HBS1L: variants seen among roughly 807,000 people sequenced by gnomAD.
The protein encoded by HBS1L is HBS1-like protein.
A neutral mutation model predicts 88.9 loss-of-function variants in HBS1L; 55 were observed. The observed-to-expected ratio is 0.62, with a 90% CI of 0.50 to 0.77. The LOEUF (loss-of-function observed/expected upper bound fraction) is 0.77, where lower values mean the gene tolerates loss of function less well. Among genes scored for constraint, HBS1L ranks in the 30% least tolerant of loss-of-function variants. The pLI is 0.00. For missense variants in HBS1L, 741 were observed against 829.3 expected (o/e 0.89, Z 1.31); for synonymous variants, 267 against 288.5 (o/e 0.93, Z 0.76).
intron 4 of HBS1L, among the ~76,000 whole-genome samples, chr6:135,014,053 G>T (rs1013947474): frequency 6.6e-6 from 1 of 152,156 alleles, no homozygotes; most frequent in African/African-American, 2.4e-5. Context: ...CAAGGGACAA[G>T]TGTACAAGGT....
chr6:134,992,908 C>T (rs918479035), intron 8 of HBS1L, among the ~76,000 whole-genome samples: 1 of 152,192 alleles, frequency 6.6e-6, no homozygotes, highest in African/African-American at 2.4e-5. Context: ...AGAGCAACTT[C>T]CAGTCCTGCG....
intron 15 of HBS1L, 70 bp downstream of exon 15, chr6:134,978,609 G>A (rs1352741034): frequency 1.2e-6 from 1 of 802,494 alleles, no homozygotes; most frequent in Non-Finnish European, 2.0e-6. Flanking sequence ...TGTAAAGAAA[G>A]TTACCACTTT....
intron 8 of HBS1L, among the ~76,000 whole-genome samples, chr6:134,992,059 CTCTG>C (rs1262248602): frequency 6.6e-6 from 1 of 152,166 alleles, no homozygotes; most frequent in Non-Finnish European, 1.5e-5. Flanking sequence ...CAGAGTGAGA[CTCTG>C]TCTCAAAAAA....
chr6:134,994,550 T>C (rs937786891), intron 7 of HBS1L, among the ~76,000 whole-genome samples: 6 of 152,136 alleles, frequency 3.9e-5, no homozygotes, highest in African/African-American at 1.4e-4. Flanking sequence ...TATTTGCATA[T>C]ACAAAATGAG....
At chr6:134,971,721 T>C (rs538956846) in intron 15 of HBS1L, among the ~76,000 whole-genome samples, 1 of 152,252 alleles carries the variant, frequency 6.6e-6, no homozygotes, top group South Asian at 2.1e-4. Context: ...ATGTGCAGCA[T>C]AGTGTAATAG....
At chr6:134,983,180 T>C (rs1319266715) in intron 12 of HBS1L, 1 of 151,956 alleles carries the variant, frequency 6.6e-6, no homozygotes, top group African/African-American at 2.4e-5. Context: ...GGGGACCATA[T>C]AGAATAATGA....
chr6:134,995,912 G>C (rs1042645406), intron 7 of HBS1L, among the ~76,000 whole-genome samples: 1 of 151,972 alleles, frequency 6.6e-6, no homozygotes, highest in African/African-American at 2.4e-5. Flanking sequence ...TTTACAGAGC[G>C]TTACCTTATA....
intron 4 of HBS1L, among the ~76,000 whole-genome samples, chr6:135,033,180 A>G (rs879660822): frequency 3.9e-5 from 6 of 152,234 alleles, no homozygotes; most frequent in African/African-American, 1.4e-4. Flanking sequence ...TTTCTAAAGT[A>G]AATTATTAAT....
Position 134,960,983 on chromosome 6 carries a change from T to G in HBS1L, c.*4296A>C, listed in dbSNP as rs561327250. ...TAGCTTTGCAGTTTGAGTCTACATT[T>G]TAAAGATAAAAACCTATTTTCATTT... On this transcript the variant is annotated 3_prime_UTR_variant, in exon 18 of 18. Transcript: ENST00000367837. 1.3e-5 allele frequency: 2 copies of G among 152,248 alleles called. No homozygotes were observed. Among genetic ancestry groups the G allele is most frequent in the East Asian group, 3.9e-4 (2 of 5,194 alleles). The allele number at this position is 152,248 out of a possible 1,614,324, so 9.4% of individuals were successfully genotyped here.
At chr6:135,007,427 A>G (rs545228416) in intron 4 of HBS1L, among the ~76,000 whole-genome samples, 11 of 152,332 alleles carry the variant, frequency 7.2e-5, no homozygotes, top group East Asian at 1.9e-4. Flanking sequence ...AAGGACATCA[A>G]TAAGTCCAAC....
At chr6:134,979,822 ACTT>A (rs1486471171) in intron 13 of HBS1L, among the ~76,000 whole-genome samples, 1 of 152,034 alleles carries the variant, frequency 6.6e-6, no homozygotes, top group African/African-American at 2.4e-5. Context: ...GCTCAAAAGA[ACTT>A]CTTTCCAGAG....
chr6:135,043,466 T>C (rs1427737868), intron 2 of HBS1L, among the ~76,000 whole-genome samples: 1 of 152,236 alleles, frequency 6.6e-6, no homozygotes, highest in Non-Finnish European at 1.5e-5. Context: ...CATCAAAATG[T>C]ATAGATAATG....
intron 4 of HBS1L, among the ~76,000 whole-genome samples, chr6:135,019,812 A>G (rs1776021827): frequency 6.6e-6 from 1 of 151,918 alleles, no homozygotes; most frequent in African/African-American, 2.4e-5. Context: ...AGACTTAGTA[A>G]TGGCACCAAT....
chr6:135,051,022 T>C (rs950268273), intron 1 of HBS1L, among the ~76,000 whole-genome samples: 1 of 152,080 alleles, frequency 6.6e-6, no homozygotes, highest in African/African-American at 2.4e-5. Flanking sequence ...GGTCAGGAGT[T>C]TGAGACCCGC....
At chr6:134,972,080 T>G (rs1235802730) in intron 15 of HBS1L, among the ~76,000 whole-genome samples, 1 of 152,216 alleles carries the variant, frequency 6.6e-6, no homozygotes, top group Non-Finnish European at 1.5e-5. Flanking sequence ...GTAACTTGTA[T>G]GCATTATTTA....
intron 4 of HBS1L, among the ~76,000 whole-genome samples, chr6:135,010,814 G>C (rs1775753759): frequency 6.6e-6 from 1 of 152,010 alleles, no homozygotes; most frequent in African/African-American, 2.4e-5. Flanking sequence ...AATAATAATG[G>C]GGGAGTTGAA....
chr6:135,018,860 C>T (rs942287638), intron 4 of HBS1L, among the ~76,000 whole-genome samples: 2 of 151,910 alleles, frequency 1.3e-5, no homozygotes, highest in Non-Finnish European at 2.9e-5. Flanking sequence ...ATCCCAAACT[C>T]TCTCTGAGAG....
At chr6:134,988,476 A>C (rs1014778275) in intron 8 of HBS1L, among the ~76,000 whole-genome samples, 5 of 152,028 alleles carry the variant, frequency 3.3e-5, no homozygotes, top group Non-Finnish European at 5.9e-5. Context: ...CCCCAAAACA[A>C]AGCAAGAAGA....
chr6:134,987,853 A>G, intron 8 of HBS1L, 62 bp from the exon 9 acceptor site: 4 of 1,360,452 alleles, frequency 2.9e-6, no homozygotes, highest in Non-Finnish European at 3.9e-6. Context: ...CAAAGGACAG[A>G]TTATTCAATT....
Sources: allele counts gnomAD v4.1 joint callset (sites outside exome capture counted in the v4.1 genomes callset), GRCh38; gene constraint gnomAD v4.1.1; transcripts MANE v1.5; gene names NCBI Gene and HGNC (gene_info 2026-07-23, HGNC 2026-07-21).